The following BCCIP variants were observed in gnomAD, a reference collection of about 807,000 sequenced individuals.
BCCIP encodes the protein BRCA2 and CDKN1A-interacting protein.
Under a neutral mutation model 32.8 loss-of-function variants are expected in BCCIP, and 23 were observed. That is an observed-to-expected ratio of 0.70 (90% confidence interval 0.51 to 0.99). The LOEUF is 0.99. Ranked by LOEUF, BCCIP falls within the 50% of genes least tolerant of loss-of-function variation. BCCIP has a pLI of 0.00. For missense variants in BCCIP, 378 were observed against 379.8 expected, an observed-to-expected ratio of 1.00 and a Z score of 0.04; for synonymous variants, 144 against 137.6, an observed-to-expected ratio of 1.05 and a Z score of -0.33.
At chr10:125,841,259 A>G, downstream of BCCIP, 1 of 1,614,056 alleles carries the variant, frequency 6.2e-7, no homozygotes, top group Non-Finnish European at 8.5e-7. Flanking sequence ...CGGCAGGAGC[A>G]GGGAAAACCT....
At chr10:125,843,534 C>T (rs539152700), downstream of BCCIP, among the ~76,000 whole-genome samples, 59 of 152,162 alleles carry the variant, frequency 3.9e-4, no homozygotes, top group Admixed American at 8.5e-4. Context: ...ATGGCGTGAA[C>T]CCAGGAAGTG....
At chr10:125,830,512 C>T (rs750230754) in intron 3 of BCCIP, 50 bp from the exon 4 acceptor site, 2 of 1,243,912 alleles carry the variant, frequency 1.6e-6, no homozygotes, top group Non-Finnish European at 1.1e-6. Flanking sequence ...GTTTTATACT[C>T]TTGGTATTAT....
downstream of BCCIP, among the ~76,000 whole-genome samples, chr10:125,847,025 G>C (rs1241111925): frequency 1.3e-5 from 2 of 152,208 alleles, no homozygotes; most frequent in Non-Finnish European, 2.9e-5. Context: ...GGCTGAAGGA[G>C]CAAATGAAGT....
exon 8 of BCCIP, chr10:125,853,204 C>T (rs780514167): frequency 1.2e-6 from 2 of 1,612,232 alleles, no homozygotes; most frequent in Admixed American, 3.3e-5. Context: ...TAAGTGATTT[C>T]CAGGGAACCT....
chr10:125,829,845 A>G (rs1428196666), intron 3 of BCCIP, among the ~76,000 whole-genome samples: 1 of 152,252 alleles, frequency 6.6e-6, no homozygotes, highest in Admixed American at 6.5e-5. Flanking sequence ...CACTCTTTAA[A>G]TGGATAATCA....
At chr10:125,839,746 C>G (rs1224173530), downstream of BCCIP, among the ~76,000 whole-genome samples, 1 of 152,154 alleles carries the variant, frequency 6.6e-6, no homozygotes, top group Non-Finnish European at 1.5e-5. Context: ...TCTTAAAATT[C>G]AGGCATGTGG....
chr10:125,827,981 AAAAAAAAAAAAGTT>A (rs1854441656), intron 3 of BCCIP, among the ~76,000 whole-genome samples: 1 of 151,792 alleles, frequency 6.6e-6, no homozygotes, highest in African/African-American at 2.4e-5. Context: ...AAAAAAAAAA[AAAAAAAAAAAAGTT>A]CTTTATTCTG....
chr10:125,845,988 C>G (rs1944012497), downstream of BCCIP, among the ~76,000 whole-genome samples: 1 of 152,238 alleles, frequency 6.6e-6, no homozygotes, highest in Non-Finnish European at 1.5e-5. Context: ...CACATCACTC[C>G]CACCGCCCAG....
At chr10:125,843,397 T>C (rs1229225699), downstream of BCCIP, among the ~76,000 whole-genome samples, 1 of 152,032 alleles carries the variant, frequency 6.6e-6, no homozygotes, top group Non-Finnish European at 1.5e-5. Context: ...GATCACCAGG[T>C]CAGGAGATTG....
In BCCIP at chr10:125,831,444, C is replaced by T; in HGVS notation, c.436C>T (p.Gln146Ter). Residue 146 changes from glutamine to a stop codon, truncating the protein, a stop_gained, in exon 5 of 7, where the codon CAA becomes TAA. Coordinates refer to ENST00000278100, the MANE Select transcript of BCCIP (RefSeq NM_078468.3). LOFTEE classifies it high-confidence loss of function. Reference protein sequence around the residue: ...RKGTQCVEQIQELVLRFCEKN... With the variant: ...RKGTQCVEQI ...GGGTACCCAGTGTGTTGAACAAATT[C>T]AAGAGTTGGTTCTACGCTTCTGTGA... is the stretch of plus-strand genomic sequence containing the variant. 1 of 1,613,932 alleles carries T rather than the reference C, an allele frequency of 6.2e-7. No homozygotes were observed. The highest frequency in any genetic ancestry group is 8.5e-7 in the Non-Finnish European group (1 of 1,179,902).
intron 7 of BCCIP, among the ~76,000 whole-genome samples, chr10:125,850,495 T>C (rs527397906): frequency 6.6e-6 from 1 of 151,900 alleles, no homozygotes; most frequent in Non-Finnish European, 1.5e-5. Context: ...GTAGCTGGGA[T>C]TACAGGCATG....
At chr10:125,842,225 C>T (rs1386759407) in exon 7 of BCCIP, 12 of 352,506 alleles carry the variant, frequency 3.4e-5, no homozygotes, top group Non-Finnish European at 6.1e-5. Context: ...AGTAGGAAAA[C>T]AATGCCAGGG....
chr10:125,825,563 G>T (rs1028156388), intron 1 of BCCIP: 1 of 152,148 alleles, frequency 6.6e-6, no homozygotes, highest in African/African-American at 2.4e-5. Context: ...AGCTGGAATT[G>T]CTCTAAGCAA....
chr10:125,852,425 C>A, intron 7 of BCCIP: 1 of 1,614,172 alleles, frequency 6.2e-7, no homozygotes, highest in Non-Finnish European at 8.5e-7. Context: ...GAGGCAAATT[C>A]TTCAGTGTAC....
At chr10:125,839,153 TGAG>T (rs748476510), downstream of BCCIP, 4 of 1,614,206 alleles carry the variant, frequency 2.5e-6, no homozygotes, top group African/African-American at 1.3e-5. Flanking sequence ...GCTGAACAGT[TGAG>T]GAAGTAATCA....
intron 5 of BCCIP, among the ~76,000 whole-genome samples, chr10:125,832,342 C>T (rs1854541465): frequency 6.6e-6 from 1 of 151,954 alleles, no homozygotes; most frequent in African/African-American, 2.4e-5. Context: ...TTGACCTAGA[C>T]AGGTTCTTTA....
At chr10:125,823,912 G>T (rs528014916) in intron 1 of BCCIP, among the ~76,000 whole-genome samples, 190 bp downstream of exon 1, 60 of 152,244 alleles carry the variant, frequency 3.9e-4, no homozygotes, top group Admixed American at 9.1e-4. Flanking sequence ...TTTTTTAAAG[G>T]TCTAGTCCGG....
intron 7 of BCCIP, among the ~76,000 whole-genome samples, chr10:125,851,686 GTTA>G (rs1944091149): frequency 6.6e-6 from 1 of 152,150 alleles, no homozygotes; most frequent in Admixed American, 6.5e-5. Context: ...TTTTGAGCTG[GTTA>G]TTCTGAGAAA....
chr10:125,836,850 A>G (rs1233661959), downstream of BCCIP: 1 of 1,614,014 alleles, frequency 6.2e-7, no homozygotes, highest in Non-Finnish European at 8.5e-7. Context: ...TACCAGCTGC[A>G]TAAATCTGTT....
Sources: gnomAD v4.1 joint callset for allele counts (sites outside exome capture counted in the v4.1 genomes callset) on GRCh38, gnomAD v4.1.1 for gene constraint, MANE v1.5 for transcripts, NCBI Gene and HGNC (gene_info 2026-07-23, HGNC 2026-07-21) for gene names.